NRXN3: variants seen among roughly 807,000 people sequenced by gnomAD.
The protein encoded by NRXN3 is neurexin III.
NRXN3 carries 32 observed loss-of-function variants against 137.6 expected under a neutral mutation model. That is an observed-to-expected ratio of 0.23 (90% CI 0.18 to 0.31). The LOEUF (loss-of-function observed/expected upper bound fraction) is 0.31. NRXN3 is among the 10% of genes least tolerant of loss of function. The pLI is 1.00. For missense variants in NRXN3, 1,574 were observed against 2,062.5 expected (o/e 0.76, Z 4.59); for synonymous variants, 798 against 784.5 (o/e 1.02, Z -0.29).
chr14:79,244,114 G>A (rs2074788280), intron 15 of NRXN3, among the ~76,000 whole-genome samples: 1 of 152,058 alleles, frequency 6.6e-6, no homozygotes, highest in South Asian at 2.1e-4. Flanking sequence ...AAGAAAACCT[G>A]CCGATAGTCA....
At chr14:78,263,216 A>G (rs2071078750) in intron 2 of NRXN3, among the ~76,000 whole-genome samples, 1 of 152,216 alleles carries the variant, frequency 6.6e-6, no homozygotes, top group Non-Finnish European at 1.5e-5. Flanking sequence ...TGCTTTAGAT[A>G]TATTAGAGGT....
At chr14:79,545,666 TG>T (rs1442761250) in intron 16 of NRXN3, among the ~76,000 whole-genome samples, 2 of 151,766 alleles carry the variant, frequency 1.3e-5, no homozygotes, top group Admixed American at 6.6e-5. Flanking sequence ...TCGGAGGGCT[TG>T]TTTTTTTTTT....
At chr14:78,314,923 CTTTCTTTCTTTCTTT>C (rs1567235012) in intron 4 of NRXN3, among the ~76,000 whole-genome samples, 24 of 117,272 alleles carry the variant, frequency 2.0e-4, no homozygotes, top group African/African-American at 8.9e-4. Context: ...TTCTTTCTTT[CTTTCTTTCTTTCTTT>C]CTTTCTTCCT....
At chr14:78,996,610 A>G (rs1344629413) in intron 15 of NRXN3, among the ~76,000 whole-genome samples, 1 of 152,164 alleles carries the variant, frequency 6.6e-6, no homozygotes. Flanking sequence ...AAATGAGGGC[A>G]TTTAAAGTAG....
intron 16 of NRXN3, among the ~76,000 whole-genome samples, chr14:79,522,330 G>A (rs2097074533): frequency 6.6e-6 from 1 of 152,108 alleles, no homozygotes. Flanking sequence ...GGTTGTAACT[G>A]TTCATATTAA....
chr14:78,451,008 A>G (rs1410261809), intron 4 of NRXN3, among the ~76,000 whole-genome samples: 4 of 151,332 alleles, frequency 2.6e-5, no homozygotes, highest in Non-Finnish European at 4.4e-5. Context: ...GGAGCTTTGC[A>G]TCAGAATAAG....
intron 19 of NRXN3, among the ~76,000 whole-genome samples, chr14:79,718,931 A>C (rs568887956): frequency 1.4e-4 from 21 of 151,444 alleles, no homozygotes; most frequent in Non-Finnish European, 2.9e-4. Context: ...TCTGTTTTTT[A>C]TCTCTCCCCC....
At chr14:78,399,613 C>T (rs1307614271) in intron 4 of NRXN3, among the ~76,000 whole-genome samples, 1 of 152,226 alleles carries the variant, frequency 6.6e-6, no homozygotes, top group African/African-American at 2.4e-5. Context: ...CCTCTAACTA[C>T]TCTGCTCTAC....
intron 16 of NRXN3, among the ~76,000 whole-genome samples, chr14:79,628,123 A>G (rs1327241944): frequency 6.6e-6 from 1 of 152,236 alleles, no homozygotes; most frequent in East Asian, 1.9e-4. Flanking sequence ...TTGAAATAGA[A>G]AGGCACTTTT....
At chr14:79,411,265 A>T (rs1275347298) in intron 15 of NRXN3, among the ~76,000 whole-genome samples, 1 of 152,110 alleles carries the variant, frequency 6.6e-6, no homozygotes, top group East Asian at 1.9e-4. Flanking sequence ...TTTCTTGAGA[A>T]ATTAGAAAAT....
chr14:79,256,243 T>G (rs1465317708), intron 15 of NRXN3, among the ~76,000 whole-genome samples: 1 of 152,036 alleles, frequency 6.6e-6, no homozygotes, highest in African/African-American at 2.4e-5. Context: ...AAAGGAATGC[T>G]GTGAGGAATT....
intron 4 of NRXN3, among the ~76,000 whole-genome samples, chr14:78,465,298 A>G (rs2153723066): frequency 6.6e-6 from 1 of 152,340 alleles, no homozygotes; most frequent in East Asian, 1.9e-4. Flanking sequence ...ATTGTCAAGT[A>G]TTAAATAAAT....
intron 15 of NRXN3, among the ~76,000 whole-genome samples, chr14:79,060,074 C>A (rs1018844027): frequency 2.0e-5 from 3 of 152,146 alleles, no homozygotes; most frequent in Non-Finnish European, 2.9e-5. Context: ...GTGCACTAAG[C>A]AACACATTTG....
chr14:78,865,616 A>G (rs1367098893), intron 10 of NRXN3, among the ~76,000 whole-genome samples: 1 of 152,190 alleles, frequency 6.6e-6, no homozygotes, highest in Non-Finnish European at 1.5e-5. Context: ...AGATTTATAC[A>G]TTGTGACATG....
At chr14:79,477,257 A>G (rs1462812988) in intron 16 of NRXN3, among the ~76,000 whole-genome samples, 1 of 152,040 alleles carries the variant, frequency 6.6e-6, no homozygotes, top group Non-Finnish European at 1.5e-5. Flanking sequence ...CATGAATTCA[A>G]TTGGACCGTA....
At chr14:78,648,423 C>T (rs562229760) in intron 5 of NRXN3, among the ~76,000 whole-genome samples, 3 of 152,278 alleles carry the variant, frequency 2.0e-5, no homozygotes, top group African/African-American at 7.2e-5. Flanking sequence ...TACATAAAAG[C>T]TTGAAAAGCA....
intron 4 of NRXN3, among the ~76,000 whole-genome samples, chr14:78,432,680 C>T (rs1056703889): frequency 7.2e-5 from 11 of 152,266 alleles, no homozygotes; most frequent in African/African-American, 2.4e-4. Flanking sequence ...TTCCTTCTTC[C>T]CTCACCTTCC....
chr14:78,811,760 T>G (rs781027969), intron 10 of NRXN3, among the ~76,000 whole-genome samples: 3 of 152,178 alleles, frequency 2.0e-5, no homozygotes. Context: ...GGGGCAAATG[T>G]TCCATCTAAG....
chr14:78,221,519 G>A (rs2063848505), intron 1 of NRXN3, among the ~76,000 whole-genome samples: 1 of 152,178 alleles, frequency 6.6e-6, no homozygotes, highest in Non-Finnish European at 1.5e-5. Context: ...ATGTGGGAGA[G>A]TAATCTTGGG....
Sources: allele counts gnomAD v4.1 joint callset (sites outside exome capture counted in the v4.1 genomes callset), GRCh38; gene constraint gnomAD v4.1.1; transcripts MANE v1.5; gene names NCBI Gene and HGNC (gene_info 2026-07-23, HGNC 2026-07-21).